The following SLC25A21 variants were observed in gnomAD, a reference collection of about 807,000 sequenced individuals.
The protein encoded by SLC25A21 is mitochondrial 2-oxodicarboxylate carrier.
A neutral mutation model predicts 43.8 loss-of-function variants in SLC25A21; 47 were observed. The observed-to-expected ratio is 1.07, with a 90% confidence interval of 0.85 to 1.37. SLC25A21 has a LOEUF of 1.37. SLC25A21 is among the 40% of genes most tolerant of loss of function. The pLI, the probability that SLC25A21 is intolerant of heterozygous loss-of-function variation, is 0.00. For missense variants in SLC25A21, 352 were observed against 350.2 expected (o/e 1.00, Z -0.04); for synonymous variants, 131 against 121.3 (o/e 1.08, Z -0.52).
chr14:36,878,308 A>G (rs1235689453), intron 1 of SLC25A21, among the ~76,000 whole-genome samples: 5 of 152,202 alleles, frequency 3.3e-5, no homozygotes, highest in Admixed American at 1.3e-4. Flanking sequence ...TCTCTATGTG[A>G]TTATTTATTC....
At chr14:36,967,640 G>A (rs529734175) in intron 1 of SLC25A21, among the ~76,000 whole-genome samples, 1 of 152,298 alleles carries the variant, frequency 6.6e-6, no homozygotes, top group South Asian at 2.1e-4. Context: ...CCTGTGAAAA[G>A]CATACAGTAA....
At chr14:36,955,316 C>T (rs1458684663) in intron 1 of SLC25A21, among the ~76,000 whole-genome samples, 2 of 152,154 alleles carry the variant, frequency 1.3e-5, no homozygotes, top group Non-Finnish European at 2.9e-5. Context: ...AGAATTTATG[C>T]TAAGTACTTG....
chr14:37,074,927 G>A (rs1311502150), intron 1 of SLC25A21, among the ~76,000 whole-genome samples: 1 of 152,182 alleles, frequency 6.6e-6, no homozygotes, highest in Admixed American at 6.5e-5. Context: ...TTAGGGCCTG[G>A]TATTGGAGAG....
intron 1 of SLC25A21, among the ~76,000 whole-genome samples, chr14:36,980,081 CG>C (rs1336183566): frequency 6.6e-6 from 1 of 152,194 alleles, no homozygotes; most frequent in East Asian, 1.9e-4. Flanking sequence ...TGCTTACTTA[CG>C]AAAGTACAGG....
chr14:37,050,745 C>T (rs1961685514), intron 1 of SLC25A21, among the ~76,000 whole-genome samples: 2 of 152,124 alleles, frequency 1.3e-5, no homozygotes, highest in Admixed American at 1.3e-4. Flanking sequence ...GAAATAATAA[C>T]CAAGTACTTC....
At chr14:36,702,469 T>C (rs114235103) in intron 7 of SLC25A21, among the ~76,000 whole-genome samples, 2,318 of 94,946 alleles carry the variant, frequency 0.024, 42 homozygotes, top group African/African-American at 0.077. Flanking sequence ...GGAGATCCTG[T>C]CTCCACAAAA....
chr14:37,048,685 T>C (rs566634976), intron 1 of SLC25A21, among the ~76,000 whole-genome samples: 2 of 152,268 alleles, frequency 1.3e-5, no homozygotes, highest in East Asian at 3.9e-4. Context: ...AGAAAGTACA[T>C]ACCTAAACTC....
At chr14:37,063,371 G>T (rs528012226) in intron 1 of SLC25A21, among the ~76,000 whole-genome samples, 1 of 152,062 alleles carries the variant, frequency 6.6e-6, no homozygotes, top group Non-Finnish European at 1.5e-5. Context: ...CTGGTGGCTT[G>T]AGACTGTAAT....
intron 2 of SLC25A21, among the ~76,000 whole-genome samples, chr14:36,857,095 C>T (rs1889922271): frequency 1.3e-5 from 2 of 152,216 alleles, no homozygotes; most frequent in African/African-American, 4.8e-5. Flanking sequence ...GGAATAAAGT[C>T]CTGTTTTTAT....
intron 7 of SLC25A21, among the ~76,000 whole-genome samples, chr14:36,708,744 GTTT>G (rs58837881): frequency 0.12 from 12,578 of 108,574 alleles, 721 homozygotes; most frequent in East Asian, 0.48. Context: ...GCTAACGTTA[GTTT>G]TTTTTTTTTT....
intron 5 of SLC25A21, among the ~76,000 whole-genome samples, chr14:36,728,426 A>C (rs1367886557): frequency 6.6e-6 from 1 of 152,122 alleles, no homozygotes; most frequent in East Asian, 1.9e-4. Context: ...TTTTTTGCCA[A>C]GCTGTTTCCA....
chr14:37,143,956 T>TG (rs962770136), intron 1 of SLC25A21, among the ~76,000 whole-genome samples: 3 of 152,056 alleles, frequency 2.0e-5, no homozygotes, highest in African/African-American at 7.3e-5. Flanking sequence ...TAGAATAAAA[T>TG]GGGGGTTTTA....
At chr14:36,790,287 C>A (rs1159701390) in intron 3 of SLC25A21, among the ~76,000 whole-genome samples, 1 of 152,024 alleles carries the variant, frequency 6.6e-6, no homozygotes, top group African/African-American at 2.4e-5. Flanking sequence ...ATCAAAGCTT[C>A]AGACCTGTGC....
intron 2 of SLC25A21, among the ~76,000 whole-genome samples, chr14:36,818,973 A>T (rs966859560): frequency 5.3e-5 from 8 of 152,216 alleles, no homozygotes; most frequent in African/African-American, 1.9e-4. Context: ...ACAGGGTTGG[A>T]CTTCTCCATT....
intron 7 of SLC25A21, among the ~76,000 whole-genome samples, chr14:36,693,446 T>G (rs1169564976): frequency 6.6e-6 from 1 of 152,264 alleles, no homozygotes; most frequent in African/African-American, 2.4e-5. Flanking sequence ...CATTAAAAAT[T>G]ATCATCATGG....
intron 1 of SLC25A21, among the ~76,000 whole-genome samples, chr14:37,063,179 G>A (rs1262609884): frequency 1.3e-5 from 2 of 152,048 alleles, no homozygotes; most frequent in East Asian, 1.9e-4. Flanking sequence ...CTCACAACAC[G>A]TGGGGATTAT....
At position 36,768,805 on chromosome 14, in the gene SLC25A21, T is replaced by C. The variant is rs115845642; in HGVS notation, c.204-34232A>G. On this transcript the variant is annotated intron_variant, in intron 3 of 9. Transcript: ENST00000331299. ...ACCTGGTTAAGTACCTGATAAAGGA[T>C]AGCTACTGGCTGGGTGGCATGGCTC... is the stretch of plus-strand genomic sequence containing the variant. 5.5e-3 allele frequency among the ~76,000 whole-genome samples: 831 copies of C among 152,138 alleles called. 6 individuals are homozygous for C. The highest frequency in any genetic ancestry group is 0.019 in the African/African-American group (786 of 41,504).
chr14:37,077,338 C>T (rs1202600526), intron 1 of SLC25A21, among the ~76,000 whole-genome samples: 2 of 152,106 alleles, frequency 1.3e-5, no homozygotes, highest in Admixed American at 6.5e-5. Context: ...TTTACAACAT[C>T]TGCTTTTACT....
chr14:36,753,962 A>G (rs930711817), intron 3 of SLC25A21, among the ~76,000 whole-genome samples: 11 of 141,262 alleles, frequency 7.8e-5, no homozygotes, highest in Non-Finnish European at 1.7e-4. Context: ...AGAGAGAGAA[A>G]GAGAGAGAAA....
Sources: gnomAD v4.1 joint callset for allele counts (sites outside exome capture counted in the v4.1 genomes callset) on GRCh38, gnomAD v4.1.1 for gene constraint, MANE v1.5 for transcripts, NCBI Gene and HGNC (gene_info 2026-07-23, HGNC 2026-07-21) for gene names.